SYNE3: variants seen among roughly 807,000 people sequenced by gnomAD.
The protein encoded by SYNE3 is nesprin-3.
Under a neutral mutation model 111.2 loss-of-function variants are expected in SYNE3, and 100 were observed. That is an observed-to-expected ratio of 0.90 (90% CI 0.77 to 1.06). The LOEUF (loss-of-function observed/expected upper bound fraction) is 1.06. Among genes scored for constraint, SYNE3 ranks in the 50% least tolerant of loss-of-function variants. The pLI, the probability that SYNE3 is intolerant of heterozygous loss-of-function variation, is 0.00. For synonymous variants in SYNE3, 547 were observed against 533.9 expected, an observed-to-expected ratio of 1.02 and a Z score of -0.34; for missense variants, 1,160 against 1,240.3, an observed-to-expected ratio of 0.94 and a Z score of 0.97.
At chr14:95,446,281 G>A (rs949370174) in intron 8 of SYNE3, among the ~76,000 whole-genome samples, 190 bp from the exon 9 acceptor site, 1 of 152,124 alleles carries the variant, frequency 6.6e-6, no homozygotes, top group African/African-American at 2.4e-5. Context: ...CCTGAGTTTC[G>A]GGGTCAACTT....
chr14:95,464,765 C>T (rs1407416668), intron 4 of SYNE3, among the ~76,000 whole-genome samples: 3 of 152,214 alleles, frequency 2.0e-5, no homozygotes, highest in African/African-American at 7.2e-5. Context: ...TTAGGCTGAG[C>T]TTAGAGCTCA....
At chr14:95,455,269 A>C in intron 6 of SYNE3, 108 bp downstream of exon 6, 1 of 834,312 alleles carries the variant, frequency 1.2e-6, no homozygotes, top group Non-Finnish European at 1.7e-6. Context: ...AAACAGAGTG[A>C]GTGTGCTCAG....
chr14:95,443,368 T>C, intron 10 of SYNE3, 79 bp from the exon 11 acceptor site: 1 of 1,558,744 alleles, frequency 6.4e-7, no homozygotes, highest in South Asian at 1.2e-5. Flanking sequence ...GCAGAGCCTC[T>C]GAGTGGGAGA....
chr14:95,446,176 C>T (rs928759841), intron 8 of SYNE3, 85 bp from the exon 9 acceptor site: 4 of 1,500,188 alleles, frequency 2.7e-6, no homozygotes, highest in Non-Finnish European at 3.6e-6. Flanking sequence ...GTTCTGGCTG[C>T]AACTGCTTAG....
At chr14:95,418,902 CCT>C (rs775942493) in intron 17 of SYNE3, among the ~76,000 whole-genome samples, 15 of 151,832 alleles carry the variant, frequency 9.9e-5, no homozygotes, top group Admixed American at 2.0e-4. Flanking sequence ...GCGCCTGGCC[CCT>C]CTCTTCTTTT....
intron 8 of SYNE3, among the ~76,000 whole-genome samples, chr14:95,448,414 T>C (rs28450546): frequency 0.29 from 44,648 of 151,976 alleles, 7,166 homozygotes; most frequent in African/African-American, 0.44. Context: ...AGAGGTCTGG[T>C]GCAGTGGCTC....
Position 95,446,031 on chromosome 14 carries a change from C to G in SYNE3, c.1510G>C (p.Asp504His). 6.2e-7 allele frequency: 1 copy of G among 1,614,148 alleles called. No homozygotes were observed. Among genetic ancestry groups the G allele is most frequent in the Non-Finnish European group, 8.5e-7 (1 of 1,180,028 alleles). ...ELLTMLQLKK[D>H]LLIGIFGQER... is the part of the protein sequence containing the mutation. ...TGGCCAAAGATGCCAATCAGGAGGT[C>G]TTTCTTCAGCTGCAGCATCGTCAGC... is the stretch of plus-strand genomic sequence containing the variant. The change falls in exon 9 of 18, where the codon GAC becomes CAC. Residue 504 changes from aspartate (D) to histidine (H), a missense_variant. Physicochemically the swap from Asp to His is moderately conservative, Grantham distance 81. Coordinates refer to ENST00000682763, the MANE Select transcript of SYNE3 (RefSeq NM_152592.6).
chr14:95,455,471 C>T lies in SYNE3; in HGVS notation c.1043G>A (p.Arg348Lys). The T allele has an allele frequency of 1.2e-6, 2 of 1,613,400 alleles. No individual in the cohort carries two copies. The highest frequency in any genetic ancestry group is 1.7e-6 in the Non-Finnish European group (2 of 1,179,910). ...CTGGGCCAGCCTCTGCAGGACCATC[C>T]TGAACTCACTGAGCTCAGCCTCCAG... Reference protein sequence around the residue: ...KQLEAELSEFRMVLQRLAQEG... With the variant: ...KQLEAELSEFKMVLQRLAQEG... Residue 348 changes from arginine (R) to lysine (K), a missense_variant, in exon 6 of 18, where the codon AGG (arginine) becomes AAG (lysine). By Grantham distance (26) the Arg-to-Lys change is conservative (BLOSUM62 2). Coordinates refer to ENST00000682763, the MANE Select transcript of SYNE3 (RefSeq NM_152592.6).
chr14:95,455,988 CT>C (rs1275345873), intron 5 of SYNE3: 7 of 467,734 alleles, frequency 1.5e-5, no homozygotes, highest in Non-Finnish European at 2.6e-5. Context: ...GTGCTTCTGT[CT>C]TGAACACTTT....
intron 7 of SYNE3, 106 bp downstream of exon 7, chr14:95,452,141 T>G: frequency 7.5e-7 from 1 of 1,333,016 alleles, no homozygotes; most frequent in Non-Finnish European, 1.0e-6. Flanking sequence ...AAAGAATGAT[T>G]TAGAAGTTAC....
At position 95,409,065 on chromosome 14, in the gene SYNE3, A is replaced by T. The variant is rs1189913683; in HGVS notation, c.*8761T>A. On this transcript the variant is annotated 3_prime_UTR_variant, in exon 18 of 18. Transcript: ENST00000682763. ...CCCCTGCTTTGGAATGTTGCCCTCC[A>T]GCTAACTCACCAGCTGCCAGAGTGG... The T allele has an allele frequency of 4.6e-6, 2 of 438,614 alleles. No individual in the cohort carries two copies. The highest frequency in any genetic ancestry group is 9.3e-6 in the Non-Finnish European group (2 of 215,514). The allele number at this position is 438,614 out of a possible 1,614,324, so 27.2% of individuals were successfully genotyped here. A position where few individuals can be genotyped will look rare whatever the true frequency, so the allele number is the denominator to read the frequency against.
At position 95,443,176 on chromosome 14, in the gene SYNE3, C is replaced by G; in HGVS notation, c.1890G>C (p.Gln630His). 6.2e-7 allele frequency: 1 copy of G among 1,614,040 alleles called. No individual in the cohort carries two copies. Residue 630 changes from glutamine (Q) to histidine (H), a missense_variant, in exon 11 of 18, where the codon CAG (glutamine) becomes CAC (histidine). By Grantham distance (24) the Gln-to-His change is conservative. Coordinates refer to ENST00000682763, the MANE Select transcript of SYNE3 (RefSeq NM_152592.6). ...HKMDQLSSDF[Q>H]ALQRSLEDLV... ...TTACCTCCAGAGACCTCTGCAGGGCCTGGAAGTCGGAGGAAAGCTGGTCCA... is the reference window on the plus strand; with the variant it reads ...TTACCTCCAGAGACCTCTGCAGGGCGTGGAAGTCGGAGGAAAGCTGGTCCA...
chr14:95,502,515 T>C (rs1890375764), intron 1 of SYNE3, among the ~76,000 whole-genome samples: 1 of 152,088 alleles, frequency 6.6e-6, no homozygotes, highest in Admixed American at 6.5e-5. Flanking sequence ...ATCTGAGCTT[T>C]ATCTCCTGAA....
rs188288610 is a variant in SYNE3 at position 95,414,989 on chromosome 14, A to T, written c.*2837T>A. On this transcript the variant is annotated 3_prime_UTR_variant, in exon 18 of 18. Coordinates refer to ENST00000682763, the MANE Select transcript of SYNE3 (RefSeq NM_152592.6). ...CTTGATGGCATCATTATCAAAATTT[A>T]AAAAATATAGGTAGATATTCCCACC... is the stretch of plus-strand genomic sequence containing the variant. The T allele has an allele frequency of 1.3e-4, 20 of 152,320 alleles. No homozygotes were observed. The highest frequency in any genetic ancestry group is 8.3e-4 in the South Asian group (4 of 4,824). 9.4% of individuals were successfully genotyped at this position (152,320 alleles called of 1,614,324 possible). A position where few individuals can be genotyped will look rare whatever the true frequency, so the allele number is the denominator to read the frequency against.
intron 4 of SYNE3, among the ~76,000 whole-genome samples, chr14:95,464,981 A>C (rs1546992): frequency 0.7 from 106,142 of 152,130 alleles, 37,290 homozygotes; most frequent in African/African-American, 0.76. Context: ...ATAATTTGTT[A>C]AAAAGAACAG....
intron 16 of SYNE3, 126 bp downstream of exon 16, chr14:95,433,134 C>G: frequency 7.2e-7 from 1 of 1,387,992 alleles, no homozygotes. Flanking sequence ...TGAGTGGTCA[C>G]CACTGTCTGG....
intron 1 of SYNE3, among the ~76,000 whole-genome samples, chr14:95,506,395 G>A (rs1380361885): frequency 6.6e-6 from 1 of 152,250 alleles, no homozygotes; most frequent in Non-Finnish European, 1.5e-5. Flanking sequence ...TGTGTGGTCT[G>A]CACCCTGTAT....
At chr14:95,421,580 T>C (rs1595171195) in intron 17 of SYNE3, among the ~76,000 whole-genome samples, 1 of 152,316 alleles carries the variant, frequency 6.6e-6, no homozygotes, top group East Asian at 1.9e-4. Context: ...GTAGGAAGGA[T>C]AAATGAGGCC....
intron 4 of SYNE3, among the ~76,000 whole-genome samples, chr14:95,463,089 G>C (rs1029337051): frequency 6.6e-6 from 1 of 152,202 alleles, no homozygotes; most frequent in Non-Finnish European, 1.5e-5. Context: ...CCGGGAGGCA[G>C]AGGTTGCAGT....
Sources: gnomAD v4.1 joint callset for allele counts (sites outside exome capture counted in the v4.1 genomes callset) on GRCh38, gnomAD v4.1.1 for gene constraint, MANE v1.5 for transcripts, NCBI Gene and HGNC (gene_info 2026-07-23, HGNC 2026-07-21) for gene names.